The following PREX1 variants were observed in gnomAD, a reference collection of about 807,000 sequenced individuals.
PREX1 encodes phosphatidylinositol-3,4,5-trisphosphate dependent Rac exchange factor 1.
Under a neutral mutation model 198.3 loss-of-function variants are expected in PREX1, and 41 were observed. The observed-to-expected ratio is 0.21, with a 90% CI of 0.16 to 0.27. The LOEUF is 0.27. PREX1 is among the 10% of genes least tolerant of loss of function. The pLI, the probability that PREX1 is intolerant of heterozygous loss-of-function variation, is 1.00. For synonymous variants in PREX1, 843 were observed against 887.2 expected (o/e 0.95, Z 0.89); for missense variants, 1,620 against 2,200.7 (o/e 0.74, Z 5.28).
chr20:48,795,988 G>C (rs1906451030), intron 1 of PREX1, among the ~76,000 whole-genome samples: 1 of 152,184 alleles, frequency 6.6e-6, no homozygotes, highest in Non-Finnish European at 1.5e-5. Flanking sequence ...AACACACAGG[G>C]AAAGATCTGG....
At position 48,655,358 on chromosome 20, in the gene PREX1, T is replaced by C; in HGVS notation, c.2141A>G (p.Asp714Gly). ...TKAKEIIKIPDQPDTLCFQIR... is the reference protein window; with the variant it reads ...TKAKEIIKIPGQPDTLCFQIR... The stretch of plus-strand genomic sequence containing the variant: ...CTGGAAGCACAGTGTGTCCGGCTGG[T>C]CGGGGATTTTGATGATCCTGCACCA... Residue 714 changes from aspartate (D) to glycine (G), a missense_variant, in exon 19 of 40, where the codon GAC becomes GGC. Transcript: ENST00000371941. 3 of 1,588,200 alleles carry C rather than the reference T, an allele frequency of 1.9e-6. No homozygotes were observed. The highest frequency in any genetic ancestry group is 2.6e-6 in the Non-Finnish European group (3 of 1,164,956).
Position 48,690,990 on chromosome 20 carries a change from C to G in PREX1, c.1143G>C (p.Gln381His). ...VCMAKTAEEK[Q>H]KWLDAIIRER... ...CGCGGATGATGGCATCCAGCCACTT[C>G]TGCTTCTCCTCTGCCGTCTTGGCCA... Residue 381 changes from glutamine to histidine, a missense_variant, in exon 9 of 40, where the codon CAG (glutamine) becomes CAC (histidine). Transcript: ENST00000371941. 6.2e-7 allele frequency: 1 copy of G among 1,614,256 alleles called. No homozygotes were observed. Among genetic ancestry groups the G allele is most frequent in the South Asian group, 1.1e-5 (1 of 91,086 alleles).
At chr20:48,771,255 AC>A (rs758866179) in intron 1 of PREX1, among the ~76,000 whole-genome samples, 20 of 150,386 alleles carry the variant, frequency 1.3e-4, no homozygotes, top group Non-Finnish European at 2.1e-4. Flanking sequence ...TCCCTATCCG[AC>A]CTTTAGGTTG....
At chr20:48,714,404 C>T (rs913605332) in intron 5 of PREX1, among the ~76,000 whole-genome samples, 4 of 152,130 alleles carry the variant, frequency 2.6e-5, no homozygotes, top group Non-Finnish European at 5.9e-5. Flanking sequence ...GTAAAGAACC[C>T]TTACAACTTA....
At chr20:48,707,280 G>A (rs755945090) in intron 6 of PREX1, among the ~76,000 whole-genome samples, 37 of 152,140 alleles carry the variant, frequency 2.4e-4, no homozygotes, top group Non-Finnish European at 5.1e-4. Context: ...AACTGAAGCC[G>A]GGAAATAGAG....
intron 5 of PREX1, among the ~76,000 whole-genome samples, chr20:48,713,858 A>T (rs1002075028): frequency 3.3e-5 from 2 of 59,888 alleles, no homozygotes; most frequent in Non-Finnish European, 6.4e-5. Context: ...CCAGAACTAT[A>T]AAAAAAAAAA....
At chr20:48,644,769 G>A (rs1166013242) in intron 26 of PREX1, among the ~76,000 whole-genome samples, 1 of 152,234 alleles carries the variant, frequency 6.6e-6, no homozygotes, top group Non-Finnish European at 1.5e-5. Context: ...TTTCACGCAG[G>A]TGTCACTCTG....
intron 7 of PREX1, among the ~76,000 whole-genome samples, chr20:48,696,461 T>G (rs183598560): frequency 1.3e-3 from 198 of 152,364 alleles, no homozygotes; most frequent in Non-Finnish European, 2.1e-3. Flanking sequence ...AATACCACAC[T>G]GTCTTAATTA....
chr20:48,775,482 C>T (rs942132808), intron 1 of PREX1, among the ~76,000 whole-genome samples: 3 of 151,996 alleles, frequency 2.0e-5, no homozygotes, highest in Non-Finnish European at 2.9e-5. Context: ...GCTTGGTGCA[C>T]AGGGACAACA....
chr20:48,838,883 G>A, the PREX1 span, among the ~76,000 whole-genome samples: 17 of 151,246 alleles, frequency 1.1e-4, no homozygotes, highest in Admixed American at 4.0e-4. Flanking sequence ...AAAATTAGCC[G>A]GGTGTGGTGG....
intron 14 of PREX1, among the ~76,000 whole-genome samples, chr20:48,670,931 C>A (rs2089671147): frequency 6.6e-6 from 1 of 152,186 alleles, no homozygotes; most frequent in Non-Finnish European, 1.5e-5. Context: ...CTGCATTTGT[C>A]TCAAGTTGTT....
chr20:48,757,167 C>T (rs2090159134), intron 1 of PREX1, among the ~76,000 whole-genome samples: 1 of 152,076 alleles, frequency 6.6e-6, no homozygotes, highest in African/African-American at 2.4e-5. Flanking sequence ...GAGGCCTTCC[C>T]CGACTGCTCC....
chr20:48,751,442 C>T (rs536669481), intron 1 of PREX1, among the ~76,000 whole-genome samples: 1 of 152,270 alleles, frequency 6.6e-6, no homozygotes, highest in African/African-American at 2.4e-5. Context: ...ATGGGAGGCT[C>T]GGGCCACCCA....
At position 48,653,402 on chromosome 20, in the gene PREX1, C is replaced by T; in HGVS notation, c.2305G>A (p.Glu769Lys). Residue 769 changes from glutamate to lysine, a missense_variant, in exon 20 of 40, where the codon GAG (glutamate) becomes AAG (lysine). By Grantham distance (56) the Glu-to-Lys change is moderately conservative. Around this residue, in one of 7 missense-constraint regions of PREX1, gnomAD observed 514 missense variants for 611.6 expected, o/e 0.84. Coordinates refer to ENST00000371941, the MANE Select transcript of PREX1 (RefSeq NM_020820.4). ...CGACTCCGGAATGCCTGGAAGTGCT[C>T]CAGGACCTCAGGGGCACCATCGTTC... ...VMNDGAPEVL[E>K]HFQAFRSRRE... The T allele has an allele frequency of 6.2e-7, 1 of 1,613,996 alleles. No individual in the cohort carries two copies. Among genetic ancestry groups the T allele is most frequent in the Non-Finnish European group, 8.5e-7 (1 of 1,180,002 alleles).
chr20:48,764,282 C>A (rs1278771425), intron 1 of PREX1, among the ~76,000 whole-genome samples: 3 of 152,196 alleles, frequency 2.0e-5, no homozygotes, highest in Non-Finnish European at 1.5e-5. Flanking sequence ...AGAGGACTCT[C>A]AGAGAGGCCC....
At chr20:48,774,760 G>T (rs1458199701) in intron 1 of PREX1, among the ~76,000 whole-genome samples, 1 of 152,228 alleles carries the variant, frequency 6.6e-6, no homozygotes, top group Non-Finnish European at 1.5e-5. Flanking sequence ...GAAACCACTG[G>T]CTGAGGCCAC....
Position 48,666,477 on chromosome 20 carries a change from T to G in PREX1, c.1666-122A>C. 1 of 729,864 alleles carries G rather than the reference T, an allele frequency of 1.4e-6. No individual in the cohort carries two copies. The highest frequency in any genetic ancestry group is 2.3e-6 in the Non-Finnish European group (1 of 430,152). The allele number at this position is 729,864 out of a possible 1,614,324, so 45.2% of individuals were successfully genotyped here. On this transcript the variant is annotated intron_variant, in intron 14 of 39. Transcript: ENST00000371941. The surrounding 1 kb of genome is among the most constrained non-coding windows in gnomAD (Gnocchi z 4.3). Reference sequence around the variant, plus strand: ...CCACGAGGGCCAGGGGTTGTCTGTTTTGTTTACTGCAGTAACCCCAAAACG... The same window carrying G: ...CCACGAGGGCCAGGGGTTGTCTGTTGTGTTTACTGCAGTAACCCCAAAACG...
At chr20:48,797,646 C>A (rs895211974) in intron 1 of PREX1, among the ~76,000 whole-genome samples, 4 of 152,174 alleles carry the variant, frequency 2.6e-5, no homozygotes, top group Admixed American at 6.5e-5. Flanking sequence ...CCCCGTCGGT[C>A]CCCGCTTGTC....
chr20:48,828,248 CCGCGGAGCCGGGAGTCCGAGGCCG>C (rs1377124590), upstream of PREX1, among the ~76,000 whole-genome samples: 16 of 151,550 alleles, frequency 1.1e-4, no homozygotes, highest in African/African-American at 3.9e-4. Context: ...CGGAAGGGCC[CCGCGGAGCCGGGAGTCCGAGGCCG>C]CGCGCACGCC....
Sources: allele counts gnomAD v4.1 joint callset (sites outside exome capture counted in the v4.1 genomes callset), GRCh38; gene constraint gnomAD v4.1.1; regional missense constraint gnomAD v4.1.1; non-coding constraint Gnocchi (gnomAD v3.1); transcripts MANE v1.5; gene names NCBI Gene and HGNC (gene_info 2026-07-23, HGNC 2026-07-21).